AQP9: variants seen among roughly 807,000 people sequenced by gnomAD.
AQP9 encodes the protein aquaporin-9.
Under a neutral mutation model 23.8 loss-of-function variants are expected in AQP9, and 19 were observed. The observed-to-expected ratio is 0.80, with a 90% CI of 0.56 to 1.17. AQP9 has a LOEUF of 1.17. AQP9 is among the 50% of genes most tolerant of loss of function. The pLI is 0.00. For missense variants in AQP9, 413 were observed against 362.0 expected, an observed-to-expected ratio of 1.14 and a Z score of -1.14; for synonymous variants, 153 against 131.5, an observed-to-expected ratio of 1.16 and a Z score of -1.12.
At chr15:58,156,043 A>G (rs1005624437) in intron 1 of AQP9, 1 of 152,154 alleles carries the variant, frequency 6.6e-6, no homozygotes, top group Non-Finnish European at 1.5e-5. Context: ...GCCCTAATTG[A>G]AAACAAATTA....
At chr15:58,146,243 T>C (rs1898041829) in intron 1 of AQP9, among the ~76,000 whole-genome samples, 1 of 152,176 alleles carries the variant, frequency 6.6e-6, no homozygotes, top group Non-Finnish European at 1.5e-5. Context: ...GGTATGCATG[T>C]TGACTCTGTC....
intron 2 of AQP9, among the ~76,000 whole-genome samples, chr15:58,169,025 T>G (rs1595740215): frequency 6.6e-6 from 1 of 152,174 alleles, no homozygotes; most frequent in Admixed American, 6.5e-5. Flanking sequence ...CATATCTGAT[T>G]CTGTCCATTG....
rs1566978259 is a variant in AQP9 at position 58,138,415 on chromosome 15, G to A, written c.-151G>A. ...GACGATTAAGCCACAGCCTCTAATT[G>A]GAACGGCATTTGTACAGTCAGAGAC... On this transcript the variant is annotated 5_prime_UTR_variant, in exon 1 of 6. Transcript: ENST00000219919. 1.7e-5 allele frequency: 10 copies of A among 585,656 alleles called. No homozygotes were observed. The highest frequency in any genetic ancestry group is 3.0e-5 in the Non-Finnish European group (10 of 327,896). The allele number at this position is 585,656 out of a possible 1,614,324, so 36.3% of individuals were successfully genotyped here.
intron 2 of AQP9, among the ~76,000 whole-genome samples, chr15:58,169,902 G>A (rs1898584658): frequency 6.6e-6 from 1 of 152,198 alleles, no homozygotes; most frequent in East Asian, 1.9e-4. Context: ...ACAAAATATA[G>A]GGTTATCTTG....
chr15:58,142,833 G>C (rs1897974889), intron 1 of AQP9, among the ~76,000 whole-genome samples: 1 of 151,976 alleles, frequency 6.6e-6, no homozygotes, highest in Non-Finnish European at 1.5e-5. Flanking sequence ...CCAAGTCTAG[G>C]GTGCCCAGGA....
intron 1 of AQP9, among the ~76,000 whole-genome samples, chr15:58,165,496 G>C (rs190027306): frequency 6.6e-6 from 1 of 152,238 alleles, no homozygotes; most frequent in African/African-American, 2.4e-5. Context: ...TCTGCTGCTT[G>C]TGTATTCATG....
At chr15:58,168,813 T>G (rs143046203) in intron 2 of AQP9, among the ~76,000 whole-genome samples, 1,810 of 152,310 alleles carry the variant, frequency 0.012, 37 homozygotes, top group African/African-American at 0.042. Flanking sequence ...TCCCGAGGCT[T>G]AACTGCTCCC....
intron 5 of AQP9, among the ~76,000 whole-genome samples, chr15:58,182,274 G>A (rs1188815620): frequency 6.6e-6 from 1 of 152,108 alleles, no homozygotes; most frequent in African/African-American, 2.4e-5. Flanking sequence ...CCCTAAAGAT[G>A]GTCCTTTAGA....
intron 4 of AQP9, among the ~76,000 whole-genome samples, chr15:58,178,713 T>C (rs921002647): frequency 6.6e-6 from 1 of 152,250 alleles, no homozygotes; most frequent in African/African-American, 2.4e-5. Context: ...CACTCATCTA[T>C]TGATATCTCA....
chr15:58,161,625 T>G (rs760860354), intron 1 of AQP9, among the ~76,000 whole-genome samples: 2 of 152,230 alleles, frequency 1.3e-5, no homozygotes, highest in Non-Finnish European at 2.9e-5. Context: ...TCTTTTCTCC[T>G]CTGTTTTTAT....
intron 1 of AQP9, chr15:58,154,933 C>G (rs555806674): frequency 7.2e-5 from 11 of 152,402 alleles, no homozygotes; most frequent in South Asian, 2.1e-4. Flanking sequence ...GAAAAACCAT[C>G]ATTGTATTTC....
chr15:58,173,306 G>C, intron 3 of AQP9, 101 bp downstream of exon 3: 2 of 1,526,448 alleles, frequency 1.3e-6, no homozygotes, highest in Non-Finnish European at 1.8e-6. Flanking sequence ...AGGACGGGAA[G>C]CATTCTACAA....
rs34291701 is a variant in AQP9 at position 58,171,834 on chromosome 15, GATCATCATCATC to G, written c.239-1211_239-1200del. ...AAGTGCACCTATTGGTTCTGTGCAG[GATCATCATCATC>G]ATCATCATCATCATCATCATCACCA... On this transcript the variant is annotated intron_variant, in intron 2 of 5. Transcript: ENST00000219919. Among the ~76,000 whole-genome samples, 825 of 149,946 alleles carry G rather than the reference GATCATCATCATC, an allele frequency of 5.5e-3. 5 individuals carry two copies. The highest frequency in any genetic ancestry group is 0.037 in the Middle Eastern group (11 of 294).
chr15:58,163,850 C>T (rs1818934592), intron 1 of AQP9: 1 of 152,170 alleles, frequency 6.6e-6, no homozygotes, highest in South Asian at 2.1e-4. Flanking sequence ...AGATCTCCAG[C>T]AAGCAGCCCA....
chr15:58,166,766 G>A lies in AQP9; in HGVS notation c.205G>A (p.Ala69Thr), dbSNP rs773489828. The A allele has an allele frequency of 2.6e-5, 42 of 1,613,842 alleles. No individual in the cohort carries two copies. The highest frequency in any genetic ancestry group is 3.0e-5 in the Non-Finnish European group (35 of 1,179,868). Residue 69 changes from alanine (A) to threonine (T), a missense_variant, in exon 2 of 6, where the codon GCA (alanine) becomes ACA (threonine). By Grantham distance (58) the Ala-to-Thr change is moderately conservative (BLOSUM62 0). Coordinates refer to ENST00000219919, the MANE Select transcript of AQP9 (RefSeq NM_020980.5). ...TINVGFSMAV[A>T]MAIYVAGGVS... Reference sequence around the variant, plus strand: ...CAATGTTGGATTTTCAATGGCAGTTGCAATGGCCATTTATGTGGCTGGCGG... The same window carrying A: ...CAATGTTGGATTTTCAATGGCAGTTACAATGGCCATTTATGTGGCTGGCGG...
chr15:58,171,071 C>A (rs1898609873), intron 2 of AQP9, among the ~76,000 whole-genome samples: 1 of 149,706 alleles, frequency 6.7e-6, no homozygotes, highest in Non-Finnish European at 1.5e-5. Context: ...ATCACAGGTG[C>A]GAGCCACCAC....
chr15:58,138,722 C>G (rs780610388), intron 1 of AQP9, 46 bp downstream of exon 1: 1 of 1,528,510 alleles, frequency 6.5e-7, no homozygotes, highest in Non-Finnish European at 9.1e-7. Context: ...TAATGCCTCC[C>G]TAGCTGCCAG....
chr15:58,184,330 C>A lies in AQP9; in HGVS notation c.*195C>A. ...CCACTTCTCTACCATTGTCCCCCAC[C>A]CCCACCCCCCAGAATAACGCTGACT... On this transcript the variant is annotated 3_prime_UTR_variant, in exon 6 of 6. Coordinates refer to ENST00000219919, the MANE Select transcript of AQP9 (RefSeq NM_020980.5). 1.8e-6 allele frequency: 1 copy of A among 554,536 alleles called. No homozygotes were observed. The highest frequency in any genetic ancestry group is 3.1e-6 in the Non-Finnish European group (1 of 319,276). 34.4% of individuals were successfully genotyped at this position (554,536 alleles called of 1,614,324 possible).
chr15:58,179,371 G>A lies in AQP9; in HGVS notation c.713+26G>A, dbSNP rs927142873. 13 of 1,587,060 alleles carry A rather than the reference G, an allele frequency of 8.2e-6. No individual in the cohort carries two copies. In the African/African-American group the frequency reaches 1.3e-4, roughly 16 times the overall value. Reference sequence around the variant, plus strand: ...GTAAGTAACAGTGGTGGGGAAGAGAGAGACAGAGTCATGCTGCGCCTCACC... The same window carrying A: ...GTAAGTAACAGTGGTGGGGAAGAGAAAGACAGAGTCATGCTGCGCCTCACC... On this transcript the variant is annotated intron_variant, in intron 5 of 5. Transcript: ENST00000219919.
Sources: allele counts gnomAD v4.1 joint callset (sites outside exome capture counted in the v4.1 genomes callset), GRCh38; gene constraint gnomAD v4.1.1; transcripts MANE v1.5; gene names NCBI Gene and HGNC (gene_info 2026-07-23, HGNC 2026-07-21).